ZBTB7C: variants seen among roughly 807,000 people sequenced by gnomAD.
The protein encoded by ZBTB7C is zinc finger and BTB domain containing 7C, also known as zinc finger and BTB domain-containing protein 7C.
In ZBTB7C, 8 loss-of-function variants were observed where a neutral mutation model predicts 25.7. The observed-to-expected ratio is 0.31, with a 90% CI of 0.18 to 0.56. The LOEUF (loss-of-function observed/expected upper bound fraction) is 0.56, where lower values mean the gene tolerates loss of function less well. Ranked by LOEUF, ZBTB7C falls within the 20% of genes least tolerant of loss-of-function variation. The pLI is 0.91. For synonymous variants in ZBTB7C, 394 were observed against 369.0 expected (o/e 1.07, Z -0.78); for missense variants, 824 against 855.2 (o/e 0.96, Z 0.46).
At chr18:48,291,899 T>C (rs1442254998) in intron 2 of ZBTB7C, among the ~76,000 whole-genome samples, 1 of 152,124 alleles carries the variant, frequency 6.6e-6, no homozygotes, top group East Asian at 1.9e-4. Flanking sequence ...CTCAGCCTCT[T>C]AAAAATTGCT....
chr18:48,173,908 C>G (rs996250692), intron 3 of ZBTB7C, among the ~76,000 whole-genome samples: 1 of 152,188 alleles, frequency 6.6e-6, no homozygotes, highest in African/African-American at 2.4e-5. Flanking sequence ...TGTCCCCATC[C>G]TAAAATCAAC....
chr18:48,134,068 A>G (rs1280283361), intron 3 of ZBTB7C, among the ~76,000 whole-genome samples: 1 of 150,370 alleles, frequency 6.7e-6, no homozygotes, highest in African/African-American at 2.5e-5. Flanking sequence ...ATGCAATATG[A>G]TCTTGTGACC....
chr18:48,312,212 C>T (rs2045837652), intron 2 of ZBTB7C, among the ~76,000 whole-genome samples: 1 of 152,210 alleles, frequency 6.6e-6, no homozygotes, highest in Non-Finnish European at 1.5e-5. Flanking sequence ...GCCTTGCTAC[C>T]AGCTGGCCAA....
intron 2 of ZBTB7C, among the ~76,000 whole-genome samples, chr18:48,266,942 A>C (rs1352421741): frequency 6.6e-6 from 1 of 152,164 alleles, no homozygotes; most frequent in African/African-American, 2.4e-5. Context: ...TGGGACATAC[A>C]TCCTAGTAGG....
In ZBTB7C at chr18:48,298,833, G is replaced by T. The variant is rs566558636; in HGVS notation, c.-79+39341C>A. Among the ~76,000 whole-genome samples, 112 of 152,258 alleles carry T rather than the reference G, an allele frequency of 7.4e-4. 1 individual carries two copies. Among genetic ancestry groups the T allele is most frequent in the African/African-American group, 2.6e-3 (110 of 41,534 alleles). On this transcript the variant is annotated intron_variant, in intron 2 of 4. Coordinates refer to ENST00000590800, the MANE Select transcript of ZBTB7C (RefSeq NM_001318841.2). The stretch of plus-strand genomic sequence containing the variant: ...CTGCAGATCCATCCTGGAGCACTTG[G>T]GTTCTCATCAGAAGCTATCTATGGA...
At chr18:48,219,385 T>C (rs2042899156) in intron 2 of ZBTB7C, among the ~76,000 whole-genome samples, 1 of 152,236 alleles carries the variant, frequency 6.6e-6, no homozygotes, top group Non-Finnish European at 1.5e-5. Flanking sequence ...ACTGACTTCA[T>C]GCAGGGCCTT....
At chr18:48,092,474 G>T (rs1297156856) in intron 3 of ZBTB7C, among the ~76,000 whole-genome samples, 2 of 152,224 alleles carry the variant, frequency 1.3e-5, no homozygotes, top group Non-Finnish European at 2.9e-5. Flanking sequence ...AGACTAAATT[G>T]ATATACTCAA....
chr18:48,307,358 C>T (rs1358656601), intron 2 of ZBTB7C, among the ~76,000 whole-genome samples: 1 of 152,208 alleles, frequency 6.6e-6, no homozygotes, highest in African/African-American at 2.4e-5. Context: ...ACTTTGTCTA[C>T]AAAGATGGCA....
At chr18:48,159,839 A>G (rs1421067459) in intron 3 of ZBTB7C, among the ~76,000 whole-genome samples, 1 of 152,222 alleles carries the variant, frequency 6.6e-6, no homozygotes, top group Admixed American at 6.5e-5. Context: ...TTAGGTTCAC[A>G]GAGCGCTGGG....
At chr18:48,050,542 G>A (rs372436623) in intron 3 of ZBTB7C, among the ~76,000 whole-genome samples, 1 of 152,228 alleles carries the variant, frequency 6.6e-6, no homozygotes, top group East Asian at 1.9e-4. Context: ...TTTGCTCTGA[G>A]CTTTCTTCCT....
chr18:48,324,668 T>A (rs1012385327), intron 2 of ZBTB7C, among the ~76,000 whole-genome samples: 6 of 152,098 alleles, frequency 3.9e-5, no homozygotes, highest in Non-Finnish European at 8.8e-5. Context: ...GAGAAGAATA[T>A]CTTACCTTTA....
intron 3 of ZBTB7C, among the ~76,000 whole-genome samples, chr18:48,087,986 T>C (rs528593851): frequency 1.2e-4 from 19 of 152,296 alleles, no homozygotes; most frequent in Admixed American, 1.0e-3. Context: ...AGTAGCTTTA[T>C]ATGAATACAT....
Position 48,342,065 on chromosome 18 carries a change from C to T in ZBTB7C, c.-303-3667G>A, listed in dbSNP as rs2046614855. Among the ~76,000 whole-genome samples, 3 of 152,210 alleles carry T rather than the reference C, an allele frequency of 2.0e-5. No individual in the cohort carries two copies. In the South Asian group the frequency reaches 6.2e-4, roughly 31 times the overall value. Reference sequence around the variant, plus strand: ...GATAGGGGCTGGTGGGATCAGGGAGCTGGGACCCCTCCCCCGACATCATAT... The same window carrying T: ...GATAGGGGCTGGTGGGATCAGGGAGTTGGGACCCCTCCCCCGACATCATAT... On this transcript the variant is annotated intron_variant, in intron 1 of 4. Coordinates refer to ENST00000590800, the MANE Select transcript of ZBTB7C (RefSeq NM_001318841.2).
At chr18:48,188,446 C>T (rs940419902) in intron 2 of ZBTB7C, among the ~76,000 whole-genome samples, 4 of 152,178 alleles carry the variant, frequency 2.6e-5, no homozygotes, top group Admixed American at 6.5e-5. Flanking sequence ...ACCATGAGAA[C>T]GGTATGGGGG....
chr18:48,202,641 G>A (rs1214129830), intron 2 of ZBTB7C, among the ~76,000 whole-genome samples: 1 of 152,030 alleles, frequency 6.6e-6, no homozygotes, highest in Non-Finnish European at 1.5e-5. Context: ...AGTGGGGATG[G>A]GTGTACGGGG....
chr18:48,157,948 G>A (rs944037680), intron 3 of ZBTB7C, among the ~76,000 whole-genome samples: 7 of 152,152 alleles, frequency 4.6e-5, no homozygotes, highest in African/African-American at 1.7e-4. Flanking sequence ...GTCATTTGGG[G>A]ATGGAAAGAG....
intron 2 of ZBTB7C, among the ~76,000 whole-genome samples, chr18:48,303,938 TG>T (rs1457944586): frequency 1.3e-5 from 2 of 152,244 alleles, no homozygotes; most frequent in East Asian, 3.9e-4. Flanking sequence ...TGCCAGGTGC[TG>T]TTCTAAGCCC....
At chr18:48,085,686 A>T (rs112335612) in intron 3 of ZBTB7C, among the ~76,000 whole-genome samples, 60 of 152,370 alleles carry the variant, frequency 3.9e-4, no homozygotes, top group African/African-American at 1.4e-3. Context: ...TTAGCTATCA[A>T]TATTATCTAA....
At chr18:48,173,008 T>C (rs2145040941) in intron 3 of ZBTB7C, among the ~76,000 whole-genome samples, 1 of 152,336 alleles carries the variant, frequency 6.6e-6, no homozygotes, top group South Asian at 2.1e-4. Flanking sequence ...TTGGTTTCTG[T>C]TCTGAGAATG....
Sources: allele counts gnomAD v4.1 joint callset (sites outside exome capture counted in the v4.1 genomes callset), GRCh38; gene constraint gnomAD v4.1.1; transcripts MANE v1.5; gene names NCBI Gene and HGNC (gene_info 2026-07-23, HGNC 2026-07-21).